Variants in STARD9 observed in about 807,000 individuals in gnomAD.
STARD9 encodes StAR related lipid transfer domain containing 9.
Under a neutral mutation model 399.8 loss-of-function variants are expected in STARD9, and 346 were observed. The ratio of observed to expected loss-of-function variants is 0.87; its 90% CI spans 0.79 to 0.95. The LOEUF is 0.95. STARD9 is among the 40% of genes least tolerant of loss of function. The pLI is 0.00. For missense variants in STARD9, 5,832 were observed against 5,667.5 expected (o/e 1.03, Z -0.93); for synonymous variants, 2,203 against 2,143.5 (o/e 1.03, Z -0.77).
At chr15:42,667,512 G>A (rs555909852) in intron 15 of STARD9, among the ~76,000 whole-genome samples, 9 of 140,654 alleles carry the variant, frequency 6.4e-5, no homozygotes, top group South Asian at 2.3e-4. Flanking sequence ...ACAGAGTTTC[G>A]CTCTTGTCAT....
At chr15:42,667,831 T>C (rs1009251693) in intron 15 of STARD9, among the ~76,000 whole-genome samples, 22 of 152,252 alleles carry the variant, frequency 1.4e-4, no homozygotes, top group African/African-American at 5.1e-4. Flanking sequence ...CAATATTCTG[T>C]TGCATCATCC....
At chr15:42,585,403 A>G (rs2058254686) in intron 2 of STARD9, 118 bp from the exon 3 acceptor site, 5 of 577,854 alleles carry the variant, frequency 8.7e-6, no homozygotes, top group African/African-American at 1.9e-5. Context: ...GGAAGATAAT[A>G]TAAACAGTCT....
At chr15:42,712,830 C>T (rs1365310838) in intron 26 of STARD9, among the ~76,000 whole-genome samples, 1 of 152,164 alleles carries the variant, frequency 6.6e-6, no homozygotes, top group African/African-American at 2.4e-5. Context: ...TTGCACCCAG[C>T]CTCACACTGT....
intron 20 of STARD9, among the ~76,000 whole-genome samples, chr15:42,680,172 A>AGCATTTGAGGTCC (rs1488117018): frequency 3.9e-5 from 6 of 152,184 alleles, no homozygotes; most frequent in African/African-American, 1.2e-4. Flanking sequence ...CTGCAGAAAA[A>AGCATTTGAGGTCC]GCATTTGAGG....
At chr15:42,629,488 T>G (rs1283055843) in intron 3 of STARD9, among the ~76,000 whole-genome samples, 1 of 152,246 alleles carries the variant, frequency 6.6e-6, no homozygotes, top group Non-Finnish European at 1.5e-5. Flanking sequence ...CTTGCAAGTT[T>G]ACTGAATTTG....
At chr15:42,657,958 A>G (rs1276588019) in intron 9 of STARD9, among the ~76,000 whole-genome samples, 5 of 152,242 alleles carry the variant, frequency 3.3e-5, no homozygotes, top group African/African-American at 4.8e-5. Flanking sequence ...CACTTTATCG[A>G]AAAGTTAACT....
intron 3 of STARD9, among the ~76,000 whole-genome samples, chr15:42,609,812 G>C (rs2058811587): frequency 6.6e-6 from 1 of 152,104 alleles, no homozygotes; most frequent in Non-Finnish European, 1.5e-5. Context: ...TTGAATAATG[G>C]CTGGGTGTGG....
chr15:42,685,472 G>C lies in STARD9; in HGVS notation c.3894G>C (p.Glu1298Asp), dbSNP rs1477020540. 1 of 1,530,986 alleles carries C rather than the reference G, an allele frequency of 6.5e-7. No individual in the cohort carries two copies. Among genetic ancestry groups the C allele is most frequent in the Admixed American group, 2.0e-5 (1 of 50,810 alleles). The allele number at this position is 1,530,986 out of a possible 1,614,324, so 94.8% of individuals were successfully genotyped here. A position where few individuals can be genotyped will look rare whatever the true frequency, so the allele number is the denominator to read the frequency against. Residue 1298 changes from glutamate (E) to aspartate (D), a missense_variant, in exon 23 of 33, where the codon GAG (glutamate) becomes GAC (aspartate). By Grantham distance (45) the Glu-to-Asp change is conservative (BLOSUM62 2). This residue lies in a region of STARD9 where 5,828 missense variants were observed against 5,651.1 expected (regional missense o/e 1.03). Coordinates refer to ENST00000290607, the MANE Select transcript of STARD9 (RefSeq NM_020759.3). ...ATTGTGAGCTCCAACCCCATTGTGAGCTCCAGCCCCATTGTGAGCAGGCTG... is the reference window on the plus strand; with the variant it reads ...ATTGTGAGCTCCAACCCCATTGTGACCTCCAGCCCCATTGTGAGCAGGCTG... ...QPHCELQPHC[E>D]LQPHCEQAES... is the part of the protein sequence containing the mutation.
chr15:42,588,767 C>G (rs1322049964), intron 3 of STARD9, among the ~76,000 whole-genome samples: 7 of 94,840 alleles, frequency 7.4e-5, no homozygotes, highest in African/African-American at 2.8e-4. Flanking sequence ...AGTTTATCCT[C>G]TTCACAGCGT....
At chr15:42,648,252 T>C (rs2059685305) in intron 7 of STARD9, among the ~76,000 whole-genome samples, 1 of 152,170 alleles carries the variant, frequency 6.6e-6, no homozygotes. Context: ...AACCTCCGCC[T>C]CCTGGGTTTG....
chr15:42,677,964 A>G (rs541090045), intron 20 of STARD9, among the ~76,000 whole-genome samples: 5 of 152,292 alleles, frequency 3.3e-5, no homozygotes, highest in African/African-American at 1.2e-4. Context: ...CCCCACAGGC[A>G]CTGACATGAG....
intron 9 of STARD9, among the ~76,000 whole-genome samples, chr15:42,656,853 G>A (rs2059884472): frequency 6.6e-6 from 1 of 152,098 alleles, no homozygotes; most frequent in Admixed American, 6.6e-5. Context: ...ATGAACTTTG[G>A]GGACTTGTGG....
chr15:42,598,931 TG>T (rs1335835926), intron 3 of STARD9, among the ~76,000 whole-genome samples: 53 of 152,258 alleles, frequency 3.5e-4, no homozygotes, highest in Admixed American at 1.1e-3. Flanking sequence ...GTTGTTGTTT[TG>T]TTTTTTTTGG....
chr15:42,689,513 C>G lies in STARD9; in HGVS notation c.7935C>G (p.Asp2645Glu). ...TCCAGGCCACATCTCTGTCTGCAGA[C>G]AGCTTTGAATCTCTGCCCAATACGG... ...RKVQATSLSADSFESLPNTET... is the reference protein window; with the variant it reads ...RKVQATSLSAESFESLPNTET... The change falls in exon 23 of 33, where the codon GAC (aspartate) becomes GAG (glutamate). Residue 2645 changes from aspartate to glutamate, a missense_variant. Physicochemically the swap from Asp to Glu is conservative, Grantham distance 45 (BLOSUM62 2). Transcript: ENST00000290607. The G allele has an allele frequency of 6.5e-7, 1 of 1,537,276 alleles. No individual in the cohort carries two copies.
Position 42,669,219 on chromosome 15 carries a change from A to G in STARD9, c.1379A>G (p.His460Arg). Residue 460 changes from histidine (H) to arginine (R), a missense_variant, in exon 16 of 33, where the codon CAT becomes CGT. His to Arg is a conservative substitution (Grantham distance 29). Coordinates refer to ENST00000290607, the MANE Select transcript of STARD9 (RefSeq NM_020759.3). ...KWNDWQALME[H>R]YSVDINRRRA... ...AATGATTGGCAGGCCCTCATGGAGC[A>G]TTACAGTGTGGACATCAACAGGAGG... The G allele has an allele frequency of 2.6e-6, 4 of 1,537,114 alleles. No individual in the cohort carries two copies. Among genetic ancestry groups the G allele is most frequent in the Non-Finnish European group, 3.5e-6 (4 of 1,146,784 alleles).
intron 3 of STARD9, among the ~76,000 whole-genome samples, chr15:42,610,141 T>G (rs1276843941): frequency 1.4e-4 from 22 of 152,132 alleles, no homozygotes; most frequent in Admixed American, 1.4e-3. Flanking sequence ...AAGAGTCTCA[T>G]TTTGTGATCA....
chr15:42,694,362 A>G lies in STARD9; in HGVS notation c.12764+20A>G. On this transcript the variant is annotated intron_variant, in intron 23 of 32. Coordinates refer to ENST00000290607, the MANE Select transcript of STARD9 (RefSeq NM_020759.3). ...TGCACGGTAAGGACCCCCAGCCTGG[A>G]GTCGGGAGGGGAAGGGGTGGGCTGT... 6.5e-7 allele frequency: 1 copy of G among 1,533,860 alleles called. No homozygotes were observed. Among genetic ancestry groups the G allele is most frequent in the Non-Finnish European group, 8.7e-7 (1 of 1,144,934 alleles).
intron 3 of STARD9, among the ~76,000 whole-genome samples, chr15:42,623,569 T>G (rs1202776523): frequency 6.6e-6 from 1 of 152,218 alleles, no homozygotes; most frequent in Admixed American, 6.5e-5. Context: ...GTTCTGGGAC[T>G]TGGATGGTTC....
intron 26 of STARD9, among the ~76,000 whole-genome samples, chr15:42,707,737 A>G (rs1031959912): frequency 4.6e-5 from 7 of 152,084 alleles, no homozygotes; most frequent in Middle Eastern, 3.2e-3. Flanking sequence ...ATATATTACT[A>G]TTTGTGAATT....
Sources: gnomAD v4.1 joint callset for allele counts (sites outside exome capture counted in the v4.1 genomes callset) on GRCh38, gnomAD v4.1.1 for gene constraint, gnomAD v4.1.1 regional missense constraint, MANE v1.5 for transcripts, NCBI Gene and HGNC (gene_info 2026-07-23, HGNC 2026-07-21) for gene names.